PLCL2: variants seen among roughly 807,000 people sequenced by gnomAD.
PLCL2 encodes inactive phospholipase C-like protein 2.
A neutral mutation model predicts 79.6 loss-of-function variants in PLCL2; 4 were observed. That is an observed-to-expected ratio of 0.05 (90% confidence interval 0.02 to 0.11). The LOEUF (loss-of-function observed/expected upper bound fraction) is 0.11. Ranked by LOEUF, PLCL2 falls within the 10% of genes least tolerant of loss-of-function variation. The pLI is 1.00. For synonymous variants in PLCL2, 484 were observed against 457.7 expected (o/e 1.06, Z -0.73); for missense variants, 895 against 1,291.0 (o/e 0.69, Z 4.70).
At chr3:16,980,595 G>A (rs1214333661) in intron 1 of PLCL2, among the ~76,000 whole-genome samples, 3 of 151,404 alleles carry the variant, frequency 2.0e-5, no homozygotes, top group South Asian at 4.2e-4. Flanking sequence ...GGGAAGAGGC[G>A]CTCCTCACTT....
At chr3:17,061,027 TC>T (rs2064947380) in intron 4 of PLCL2, among the ~76,000 whole-genome samples, 1 of 152,246 alleles carries the variant, frequency 6.6e-6, no homozygotes, top group Non-Finnish European at 1.5e-5. Context: ...CCATTTAAGA[TC>T]AATATGTCTC....
rs974062999 is a variant in PLCL2, at chr3:16,886,113, T to C, written c.327+747T>C. On this transcript the variant is annotated intron_variant, in intron 1 of 5. Transcript: ENST00000615277. The surrounding 1 kb of genome is among the most constrained non-coding windows in gnomAD (Gnocchi z 4.2). ...AGCGATTGTTTTGAGCATTTTAAAC[T>C]CAAGAAGTAATATTAGGAACTCCCG... 4.6e-5 allele frequency among the ~76,000 whole-genome samples: 7 copies of C among 152,294 alleles called. No homozygotes were observed. Among genetic ancestry groups the C allele is most frequent in the South Asian group, 4.1e-4 (2 of 4,830 alleles).
At chr3:16,895,354 T>C (rs1696454764) in intron 1 of PLCL2, among the ~76,000 whole-genome samples, 2 of 152,200 alleles carry the variant, frequency 1.3e-5, no homozygotes, top group South Asian at 4.1e-4. Flanking sequence ...GTCTTATTGT[T>C]CTATTTTTCA....
intron 3 of PLCL2, among the ~76,000 whole-genome samples, chr3:17,035,385 G>GT (rs1403813544): frequency 6.6e-6 from 1 of 150,414 alleles, no homozygotes; most frequent in Non-Finnish European, 1.5e-5. Context: ...CTCTATAATT[G>GT]TAAGGTGTGT....
At chr3:16,928,207 G>A (rs184785346) in intron 1 of PLCL2, among the ~76,000 whole-genome samples, 1 of 152,292 alleles carries the variant, frequency 6.6e-6, no homozygotes, top group African/African-American at 2.4e-5. Context: ...AACACAATGT[G>A]GTTAGTGCTA....
At chr3:17,034,475 T>C (rs2064621089) in intron 3 of PLCL2, among the ~76,000 whole-genome samples, 1 of 152,224 alleles carries the variant, frequency 6.6e-6, no homozygotes, top group South Asian at 2.1e-4. Context: ...TTAACTGTTT[T>C]TGAGCTGTGT....
At chr3:17,057,951 G>A (rs1164958346) in intron 4 of PLCL2, among the ~76,000 whole-genome samples, 4 of 152,188 alleles carry the variant, frequency 2.6e-5, no homozygotes, top group Non-Finnish European at 5.9e-5. Context: ...ACGGGATATG[G>A]ACCCTCCCCT....
intron 1 of PLCL2, among the ~76,000 whole-genome samples, chr3:16,991,436 T>C (rs966446305): frequency 6.6e-6 from 1 of 152,228 alleles, no homozygotes; most frequent in African/African-American, 2.4e-5. Flanking sequence ...CTCTGAGTGC[T>C]GTGAGCTACT....
intron 1 of PLCL2, among the ~76,000 whole-genome samples, chr3:16,958,063 C>T (rs1352487643): frequency 6.6e-6 from 1 of 152,116 alleles, no homozygotes; most frequent in Non-Finnish European, 1.5e-5. Flanking sequence ...GGATTTGATC[C>T]TGTCATTATG....
At chr3:16,990,684 A>C (rs1016855299) in intron 1 of PLCL2, among the ~76,000 whole-genome samples, 1 of 152,206 alleles carries the variant, frequency 6.6e-6, no homozygotes, top group Non-Finnish European at 1.5e-5. Flanking sequence ...TGCCTTATCA[A>C]ACCCTTTAAA....
At chr3:17,078,266 G>A (rs1230248417) in intron 5 of PLCL2, among the ~76,000 whole-genome samples, 1 of 152,182 alleles carries the variant, frequency 6.6e-6, no homozygotes, top group African/African-American at 2.4e-5. Context: ...CTAGTGGCTT[G>A]AAACAATGAC....
chr3:16,999,311 T>G (rs189798604), intron 1 of PLCL2, among the ~76,000 whole-genome samples: 45 of 152,286 alleles, frequency 3.0e-4, no homozygotes, highest in Admixed American at 7.2e-4. Context: ...AGGGTGACGT[T>G]CATTCTGTTT....
intron 1 of PLCL2, among the ~76,000 whole-genome samples, chr3:16,924,136 G>A (rs762585793): frequency 5.3e-5 from 8 of 152,064 alleles, no homozygotes; most frequent in African/African-American, 9.7e-5. Flanking sequence ...TTTACTAGTT[G>A]CCTTTTTTCC....
intron 1 of PLCL2, among the ~76,000 whole-genome samples, chr3:16,955,576 T>C (rs2063696742): frequency 6.6e-6 from 1 of 152,218 alleles, no homozygotes; most frequent in African/African-American, 2.4e-5. Context: ...AAGTCATTGG[T>C]AGCTTGATGG....
At chr3:17,086,668 T>G (rs2065223196) in intron 5 of PLCL2, among the ~76,000 whole-genome samples, 1 of 152,240 alleles carries the variant, frequency 6.6e-6, no homozygotes, top group Non-Finnish European at 1.5e-5. Flanking sequence ...GAGAAAATAC[T>G]TGCAAAGGAC....
chr3:16,929,135 T>A (rs78208801), intron 1 of PLCL2, among the ~76,000 whole-genome samples: 151,813 of 151,814 alleles, frequency 1, 75,906 homozygotes, highest in Non-Finnish European at 1. Context: ...GCAGAAATGA[T>A]GATGATGATA....
At chr3:16,947,184 A>C (rs1207336692) in intron 1 of PLCL2, among the ~76,000 whole-genome samples, 1 of 151,930 alleles carries the variant, frequency 6.6e-6, no homozygotes, top group Non-Finnish European at 1.5e-5. Context: ...TCCTGGCTTC[A>C]AGCGATCCTC....
chr3:16,926,538 T>C (rs887763178), intron 1 of PLCL2, among the ~76,000 whole-genome samples: 2 of 152,336 alleles, frequency 1.3e-5, no homozygotes, highest in East Asian at 1.9e-4. Context: ...AGATAAATAA[T>C]GTCTTAAAAT....
At chr3:16,894,379 A>G (rs1466557053) in intron 1 of PLCL2, among the ~76,000 whole-genome samples, 1 of 152,162 alleles carries the variant, frequency 6.6e-6, no homozygotes, top group African/African-American at 2.4e-5. Flanking sequence ...AGAGATCTGT[A>G]TGCTCTTCCA....
Sources: gnomAD v4.1 joint callset for allele counts (sites outside exome capture counted in the v4.1 genomes callset) on GRCh38, gnomAD v4.1.1 for gene constraint, Gnocchi (gnomAD v3.1) non-coding constraint, MANE v1.5 for transcripts, NCBI Gene and HGNC (gene_info 2026-07-23, HGNC 2026-07-21) for gene names.